TCF12: variants seen among roughly 807,000 people sequenced by gnomAD.
The protein encoded by TCF12 is DNA-binding protein HTF4.
Under a neutral mutation model 86.0 loss-of-function variants are expected in TCF12, and 45 were observed. The ratio of observed to expected loss-of-function variants is 0.52; its 90% CI spans 0.41 to 0.67. The LOEUF (loss-of-function observed/expected upper bound fraction) is 0.67. Ranked by LOEUF, TCF12 falls within the 30% of genes least tolerant of loss-of-function variation. The pLI, the probability that TCF12 is intolerant of heterozygous loss-of-function variation, is 0.00. For synonymous variants in TCF12, 330 were observed against 299.6 expected (o/e 1.10, Z -1.05); for missense variants, 881 against 859.9 (o/e 1.02, Z -0.31).
chr15:57,203,580 A>ATGACGTGTCTTACAAGTTTTGAATG (rs1423085670), intron 8 of TCF12, among the ~76,000 whole-genome samples: 1 of 152,232 alleles, frequency 6.6e-6, no homozygotes, highest in Non-Finnish European at 1.5e-5. Context: ...CTGCATCAAA[A>ATGACGTGTCTTACAAGTTTTGAATG]TGACGTGTCT....
intron 3 of TCF12, among the ~76,000 whole-genome samples, chr15:57,007,899 TTCCTTCCTTCCTTCC>T (rs2141127132): frequency 7.3e-6 from 1 of 137,504 alleles, no homozygotes; most frequent in South Asian, 2.4e-4. Context: ...CCTTCCTTCC[TTCCTTCCTTCCTTCC>T]TCTTTCTTTG....
chr15:57,245,355 C>A (rs1200092946), intron 13 of TCF12, among the ~76,000 whole-genome samples: 1 of 152,200 alleles, frequency 6.6e-6, no homozygotes, highest in Non-Finnish European at 1.5e-5. Flanking sequence ...ATGAAAGACC[C>A]ATTGACTTAA....
At chr15:56,930,364 T>A (rs955022808) in intron 3 of TCF12, among the ~76,000 whole-genome samples, 1 of 152,230 alleles carries the variant, frequency 6.6e-6, no homozygotes, top group African/African-American at 2.4e-5. Flanking sequence ...TGAGCTTATA[T>A]GGGCACTTGT....
At chr15:57,252,368 T>C in intron 14 of TCF12, 53 bp from the exon 15 acceptor site, 2 of 1,394,860 alleles carry the variant, frequency 1.4e-6, no homozygotes, top group Non-Finnish European at 2.0e-6. Flanking sequence ...TCATCTCTTT[T>C]GGAGTTAATC....
At chr15:57,251,286 C>A in intron 13 of TCF12, 64 bp from the exon 14 acceptor site, 1 of 1,406,336 alleles carries the variant, frequency 7.1e-7, no homozygotes. Flanking sequence ...TTACCCTTTC[C>A]TTCACAACAT....
intron 5 of TCF12, among the ~76,000 whole-genome samples, chr15:57,144,836 T>G (rs1352540545): frequency 1.3e-5 from 2 of 152,180 alleles, no homozygotes; most frequent in East Asian, 3.9e-4. Flanking sequence ...TCCTGAGCAC[T>G]AGAGATCCAC....
At chr15:57,152,853 C>T (rs187439681) in intron 5 of TCF12, among the ~76,000 whole-genome samples, 81 of 150,906 alleles carry the variant, frequency 5.4e-4, no homozygotes, top group African/African-American at 1.9e-3. Context: ...CAAGAACTCC[C>T]CTCCACACAC....
rs145101584 is a variant in TCF12, at chr15:57,162,482, A to G, written c.326-3920A>G. On this transcript the variant is annotated intron_variant, in intron 5 of 20. Coordinates refer to ENST00000333725, the MANE Select transcript of TCF12 (RefSeq NM_207037.2). ...TAAGAAAATAACTAGTTTCTAATAAATGAAAGGTGAAATAAAAATGTATTT... is the reference window on the plus strand; with the variant it reads ...TAAGAAAATAACTAGTTTCTAATAAGTGAAAGGTGAAATAAAAATGTATTT... 2.6e-3 allele frequency among the ~76,000 whole-genome samples: 403 copies of G among 152,350 alleles called. 1 individual carries two copies. The highest frequency in any genetic ancestry group is 3.8e-3 in the Non-Finnish European group (256 of 68,016).
Position 57,170,784 on chromosome 15 carries a change from T to G in TCF12, c.390+4318T>G, listed in dbSNP as rs12911568. On this transcript the variant is annotated intron_variant, in intron 6 of 20. Coordinates refer to ENST00000333725, the MANE Select transcript of TCF12 (RefSeq NM_207037.2). ...TTATATATATATTATATATAATATA[T>G]ATATATAATATATATATATAATTTT... Among the ~76,000 whole-genome samples the G allele has an allele frequency of 9.8e-4, 40 of 40,710 alleles. 3 individuals are homozygous for G. Among genetic ancestry groups the G allele is most frequent in the East Asian group, 6.3e-3 (9 of 1,418 alleles). 26.7% of individuals were successfully genotyped at this position (40,710 alleles called of 152,430 possible).
intron 18 of TCF12, among the ~76,000 whole-genome samples, chr15:57,264,108 A>C (rs2060719123): frequency 6.6e-6 from 1 of 151,442 alleles, no homozygotes; most frequent in Non-Finnish European, 1.5e-5. Flanking sequence ...ATTATTTTTA[A>C]CTTTCTGACT....
intron 3 of TCF12, among the ~76,000 whole-genome samples, chr15:56,925,919 G>A (rs1009017066): frequency 6.6e-6 from 1 of 152,206 alleles, no homozygotes; most frequent in African/African-American, 2.4e-5. Flanking sequence ...TGTGCCATAA[G>A]TATCTCATTT....
chr15:57,056,090 C>G (rs1175812582), intron 3 of TCF12, among the ~76,000 whole-genome samples: 1 of 149,648 alleles, frequency 6.7e-6, no homozygotes, highest in Non-Finnish European at 1.5e-5. Flanking sequence ...AAATTTCTTT[C>G]TAAATTTCAG....
chr15:56,925,743 G>C (rs766036695), intron 3 of TCF12, among the ~76,000 whole-genome samples: 8 of 152,198 alleles, frequency 5.3e-5, no homozygotes, highest in Non-Finnish European at 8.8e-5. Context: ...CTTTTTAAAA[G>C]ATCATTTAAT....
chr15:57,030,692 C>A (rs559976686), intron 3 of TCF12, among the ~76,000 whole-genome samples: 1 of 152,160 alleles, frequency 6.6e-6, no homozygotes, highest in Non-Finnish European at 1.5e-5. Context: ...GTTTCCGTTT[C>A]TTCCTCTTCT....
At chr15:56,982,967 G>C (rs1222035363) in intron 3 of TCF12, among the ~76,000 whole-genome samples, 1 of 152,116 alleles carries the variant, frequency 6.6e-6, no homozygotes, top group African/African-American at 2.4e-5. Flanking sequence ...TTCTGCAAAT[G>C]AATTATATAA....
intron 7 of TCF12, among the ~76,000 whole-genome samples, chr15:57,196,279 A>C (rs2057261419): frequency 6.6e-6 from 1 of 152,168 alleles, no homozygotes; most frequent in South Asian, 2.1e-4. Context: ...TAGCATTTTC[A>C]TAGTATTAGG....
chr15:57,087,446 T>C (rs1217431997), intron 4 of TCF12, among the ~76,000 whole-genome samples: 1 of 150,862 alleles, frequency 6.6e-6, no homozygotes, highest in South Asian at 2.1e-4. Context: ...TATATATATT[T>C]GATTATGTGC....
chr15:56,951,943 C>T (rs1006001161), intron 3 of TCF12, among the ~76,000 whole-genome samples: 6 of 152,280 alleles, frequency 3.9e-5, no homozygotes, highest in South Asian at 2.1e-4. Flanking sequence ...CCACTGCACA[C>T]GGCCTTACTT....
chr15:57,139,645 A>T (rs572545099), intron 5 of TCF12, among the ~76,000 whole-genome samples: 2 of 151,904 alleles, frequency 1.3e-5, no homozygotes, highest in African/African-American at 4.8e-5. Flanking sequence ...TCTAATGTTT[A>T]CTTCTTTAAA....
Sources: gnomAD v4.1 joint callset for allele counts (sites outside exome capture counted in the v4.1 genomes callset) on GRCh38, gnomAD v4.1.1 for gene constraint, MANE v1.5 for transcripts, NCBI Gene and HGNC (gene_info 2026-07-23, HGNC 2026-07-21) for gene names.